CEP350: variants seen among roughly 807,000 people sequenced by gnomAD.
The protein encoded by CEP350 is centrosomal protein 350, also known as centrosome-associated protein 350.
In CEP350, 126 loss-of-function variants were observed where a neutral mutation model predicts 331.8. The ratio of observed to expected loss-of-function variants is 0.38; its 90% confidence interval spans 0.33 to 0.44. The LOEUF (loss-of-function observed/expected upper bound fraction) is 0.44, where lower values mean the gene tolerates loss of function less well. Ranked by LOEUF, CEP350 falls within the 20% of genes least tolerant of loss-of-function variation. CEP350 has a pLI of 1.00. For synonymous variants in CEP350, 1,200 were observed against 1,259.5 expected, an observed-to-expected ratio of 0.95 and a Z score of 1.00; for missense variants, 3,406 against 3,634.6, an observed-to-expected ratio of 0.94 and a Z score of 1.62.
intron 7 of CEP350, among the ~76,000 whole-genome samples, chr1:180,005,617 G>T (rs573924726): frequency 3.0e-4 from 46 of 152,152 alleles, no homozygotes; most frequent in African/African-American, 1.0e-3. Context: ...GATTAATTTT[G>T]CTCCTTTGTT....
chr1:179,991,080 AT>A (rs1458854534), intron 4 of CEP350, among the ~76,000 whole-genome samples: 1 of 150,782 alleles, frequency 6.6e-6, no homozygotes, highest in Non-Finnish European at 1.5e-5. Flanking sequence ...ATGAGTTTTC[AT>A]TTGTTTTTAG....
intron 1 of CEP350, among the ~76,000 whole-genome samples, chr1:179,960,344 G>T (rs1174793820): frequency 6.6e-6 from 1 of 152,184 alleles, no homozygotes; most frequent in Non-Finnish European, 1.5e-5. Context: ...ATAGATGGTA[G>T]CCCTGGTGGG....
rs566100242 is a variant in CEP350 at position 180,069,150 on chromosome 1, C to T, written c.5567+3878C>T. On this transcript the variant is annotated intron_variant, in intron 27 of 37. Transcript: ENST00000367607. ...TTTGGTTTGGTCATTCATTGCAGAC[C>T]GAGGTAGCATAGAAAGATGAAGCCT... 6.6e-5 allele frequency among the ~76,000 whole-genome samples: 10 copies of T among 152,146 alleles called. No homozygotes were observed. The East Asian group carries it at 1.3e-3, about 21-fold the overall frequency.
At chr1:180,036,727 AC>A (rs1169107195) in intron 16 of CEP350, among the ~76,000 whole-genome samples, 198 bp from the exon 17 acceptor site, 1 of 152,196 alleles carries the variant, frequency 6.6e-6, no homozygotes, top group African/African-American at 2.4e-5. Context: ...AATTTGTGTG[AC>A]TTGCTTTATT....
At chr1:180,065,771 AG>A (rs1226118829) in intron 27 of CEP350, among the ~76,000 whole-genome samples, 1 of 152,066 alleles carries the variant, frequency 6.6e-6, no homozygotes, top group Non-Finnish European at 1.5e-5. Context: ...CCAAAAAAAA[AG>A]TATCTGCACA....
chr1:180,091,337 C>A (rs1386043292), intron 33 of CEP350, among the ~76,000 whole-genome samples: 2 of 152,150 alleles, frequency 1.3e-5, no homozygotes, highest in Non-Finnish European at 2.9e-5. Context: ...CCACCACACT[C>A]AGCTGAATCA....
At chr1:180,007,839 C>CGTGTGTGTGTGTGTGTGTGTGT (rs71118426) in intron 8 of CEP350, among the ~76,000 whole-genome samples, 1 of 140,908 alleles carries the variant, frequency 7.1e-6, no homozygotes, top group Non-Finnish European at 1.5e-5. Context: ...TTTTATGTAT[C>CGTGTGTGTGTGTGTGTGTGTGT]GTGTGTGTGT....
intron 27 of CEP350, among the ~76,000 whole-genome samples, chr1:180,071,209 C>G (rs972122183): frequency 1.1e-4 from 17 of 147,896 alleles, no homozygotes; most frequent in South Asian, 6.5e-4. Context: ...TGTAATCCCA[C>G]TACTTTGGGA....
At chr1:180,006,069 TA>T (rs1654235691) in intron 7 of CEP350, among the ~76,000 whole-genome samples, 1 of 152,194 alleles carries the variant, frequency 6.6e-6, no homozygotes, top group African/African-American at 2.4e-5. Flanking sequence ...GAGTATTTCG[TA>T]AAGTTTTTAT....
At chr1:180,004,067 A>G (rs1267948129) in intron 7 of CEP350, among the ~76,000 whole-genome samples, 1 of 152,206 alleles carries the variant, frequency 6.6e-6, no homozygotes, top group Non-Finnish European at 1.5e-5. Flanking sequence ...CAAAGGAAGA[A>G]TAATGTAATA....
chr1:180,072,853 A>G (rs915024786), intron 27 of CEP350, among the ~76,000 whole-genome samples: 1 of 152,166 alleles, frequency 6.6e-6, no homozygotes, highest in African/African-American at 2.4e-5. Flanking sequence ...TTCCAAGGCA[A>G]TAAATGTTGC....
At chr1:180,005,649 A>G (rs1654205334) in intron 7 of CEP350, among the ~76,000 whole-genome samples, 1 of 152,136 alleles carries the variant, frequency 6.6e-6, no homozygotes, top group South Asian at 2.1e-4. Flanking sequence ...AAAACCTTCC[A>G]TCTCATTCTT....
At chr1:180,042,238 A>G (rs1206015833) in intron 19 of CEP350, among the ~76,000 whole-genome samples, 1 of 151,762 alleles carries the variant, frequency 6.6e-6, no homozygotes, top group Non-Finnish European at 1.5e-5. Context: ...CCAGTCCCTA[A>G]TCTCAGTCCT....
Position 180,031,307 on chromosome 1 carries a change from ATTTAC to A in CEP350, c.3551-7_3551-3del. ...ATATTGGGAATCAGCTTTATAAGAAATTTACTTTACAGGGTTGGATTCATTCACTG... is the reference window on the plus strand; with the variant it reads ...ATATTGGGAATCAGCTTTATAAGAAATTTACAGGGTTGGATTCATTCACTG... On this transcript the variant is annotated splice_region_variant and splice_polypyrimidine_tract_variant and intron_variant, in intron 14 of 37. Coordinates refer to ENST00000367607, the MANE Select transcript of CEP350 (RefSeq NM_014810.5). 1.3e-6 allele frequency: 2 copies of A among 1,559,660 alleles called. No individual in the cohort carries two copies. The highest frequency in any genetic ancestry group is 1.8e-6 in the Non-Finnish European group (2 of 1,139,552).
intron 29 of CEP350, among the ~76,000 whole-genome samples, chr1:180,079,245 ATAAT>A (rs1659418490): frequency 6.6e-6 from 1 of 151,770 alleles, no homozygotes; most frequent in Admixed American, 6.6e-5. Flanking sequence ...AATATAGCAA[ATAAT>A]TAGCATAACA....
Position 180,043,094 on chromosome 1 carries a change from C to T in CEP350, c.4401C>T (p.Val1467=), listed in dbSNP as rs757892639. ...ELTRTHISDA[V]VASGAPLAIL... is the part of the protein sequence containing the mutation. ...CTAGAACTCATATCTCAGATGCTGTCGTGGCTTCAGGAGCTCCCCTTGCAA... is the reference window on the plus strand; with the variant it reads ...CTAGAACTCATATCTCAGATGCTGTTGTGGCTTCAGGAGCTCCCCTTGCAA... Residue 1467 remains valine, a synonymous_variant, in exon 20 of 38, where the codon GTC becomes GTT. Coordinates refer to ENST00000367607, the MANE Select transcript of CEP350 (RefSeq NM_014810.5). The T allele has an allele frequency of 1.1e-4, 185 of 1,613,534 alleles. 1 individual carries two copies. In the Admixed American group the frequency reaches 1.2e-3, roughly 10 times the overall value.
intron 14 of CEP350, among the ~76,000 whole-genome samples, chr1:180,026,691 G>A (rs1278050299): frequency 2.6e-5 from 4 of 152,080 alleles, no homozygotes; most frequent in African/African-American, 7.2e-5. Context: ...ACTACTCTGC[G>A]TACTTCATAT....
At chr1:180,075,959 GAA>G (rs149928975) in intron 28 of CEP350, among the ~76,000 whole-genome samples, 7 of 145,792 alleles carry the variant, frequency 4.8e-5, no homozygotes, top group East Asian at 4.0e-4. Context: ...GTATCTCAAG[GAA>G]AAAAAAAAAT....
intron 10 of CEP350, among the ~76,000 whole-genome samples, chr1:180,015,210 G>GTTTGTTTATTTATTTA (rs1553255193): frequency 7.0e-6 from 1 of 143,480 alleles, no homozygotes; most frequent in African/African-American, 2.6e-5. Context: ...CTAGGAAATT[G>GTTTGTTTATTTATTTA]TTTATTTATT....
Sources: allele counts gnomAD v4.1 joint callset (sites outside exome capture counted in the v4.1 genomes callset), GRCh38; gene constraint gnomAD v4.1.1; transcripts MANE v1.5; gene names NCBI Gene and HGNC (gene_info 2026-07-23, HGNC 2026-07-21).